The following PHLDB2 variants were observed in gnomAD, a reference collection of about 807,000 sequenced individuals.
The protein encoded by PHLDB2 is pleckstrin homology like domain family B member 2.
Under a neutral mutation model 123.6 loss-of-function variants are expected in PHLDB2, and 71 were observed. The observed-to-expected ratio is 0.57, with a 90% CI of 0.47 to 0.70. The LOEUF (loss-of-function observed/expected upper bound fraction) is 0.70, where lower values mean the gene tolerates loss of function less well. PHLDB2 is among the 30% of genes least tolerant of loss of function. The pLI is 0.00. For missense variants in PHLDB2, 1,446 were observed against 1,519.5 expected, an observed-to-expected ratio of 0.95 and a Z score of 0.80; for synonymous variants, 547 against 541.6, an observed-to-expected ratio of 1.01 and a Z score of -0.14.
rs138409992 is a variant in PHLDB2 at position 111,951,784 on chromosome 3, G to C, written c.2632-788G>C. Among the ~76,000 whole-genome samples, 742 of 151,740 alleles carry C rather than the reference G, an allele frequency of 4.9e-3. 37 individuals are homozygous for C. Among genetic ancestry groups the C allele is most frequent in the Admixed American group, 0.044 (670 of 15,212 alleles). ...TTCTTTTTTTATTTTCATAGTTTTG[G>C]GGGGAACAGGTAGGGTTTGGTTACG... On this transcript the variant is annotated intron_variant, in intron 10 of 17. Coordinates refer to ENST00000431670, the MANE Select transcript of PHLDB2 (RefSeq NM_001134438.2).
intron 1 of PHLDB2, among the ~76,000 whole-genome samples, chr3:111,867,068 G>C (rs961046158): frequency 6.6e-6 from 1 of 151,700 alleles, no homozygotes; most frequent in Non-Finnish European, 1.5e-5. Context: ...GTGACACTTA[G>C]CTACCCCACA....
At chr3:111,899,893 A>G (rs1201703628) in intron 2 of PHLDB2, among the ~76,000 whole-genome samples, 1 of 152,242 alleles carries the variant, frequency 6.6e-6, no homozygotes, top group Non-Finnish European at 1.5e-5. Flanking sequence ...GGAGTGAGCC[A>G]CTGGCCCAGC....
intron 1 of PHLDB2, among the ~76,000 whole-genome samples, chr3:111,795,941 G>T (rs2061139160): frequency 6.6e-6 from 1 of 152,168 alleles, no homozygotes; most frequent in Non-Finnish European, 1.5e-5. Flanking sequence ...CTGTTGCCCA[G>T]GCTGGAGTGC....
At position 111,884,508 on chromosome 3, in the gene PHLDB2, A is replaced by T. The variant is rs143220265; in HGVS notation, c.431A>T (p.Glu144Val). ...AGTGAAAGGGCCTTGAGGCTCTCAGAGAAGCCTCCCTATTCCAAATATAGC... is the reference window on the plus strand; with the variant it reads ...AGTGAAAGGGCCTTGAGGCTCTCAGTGAAGCCTCCCTATTCCAAATATAGC... The part of the protein sequence containing the change: ...RDSERALRLS[E>V]KPPYSKYSSR... The change falls in exon 2 of 18, where the codon GAG becomes GTG. Residue 144 changes from glutamate to valine, a missense_variant. Around this residue, in one of 3 missense-constraint regions of PHLDB2, gnomAD observed 832 missense variants for 831.9 expected, o/e 1.00. Coordinates refer to ENST00000431670, the MANE Select transcript of PHLDB2 (RefSeq NM_001134438.2). The T allele has an allele frequency of 1.3e-4, 212 of 1,614,030 alleles. 1 individual carries two copies. The highest frequency in any genetic ancestry group is 1.7e-4 in the Non-Finnish European group (198 of 1,179,982).
At chr3:111,873,436 T>C (rs78902278) in intron 1 of PHLDB2, among the ~76,000 whole-genome samples, 2,879 of 152,308 alleles carry the variant, frequency 0.019, 110 homozygotes, top group African/African-American at 0.066. Flanking sequence ...CATTTCCAAC[T>C]ACAAACAGGT....
intron 1 of PHLDB2, among the ~76,000 whole-genome samples, chr3:111,774,087 T>A (rs2108058772): frequency 6.6e-6 from 1 of 152,304 alleles, no homozygotes; most frequent in East Asian, 1.9e-4. Context: ...GATACAGCCT[T>A]TAGAATATTG....
chr3:111,889,631 G>A (rs1276762251), intron 2 of PHLDB2, among the ~76,000 whole-genome samples: 1 of 152,184 alleles, frequency 6.6e-6, no homozygotes, highest in Non-Finnish European at 1.5e-5. Flanking sequence ...GAGCTCAGGA[G>A]ATTGAGGCTG....
chr3:111,890,111 C>T (rs139432875), intron 2 of PHLDB2, among the ~76,000 whole-genome samples: 1 of 152,292 alleles, frequency 6.6e-6, no homozygotes, highest in East Asian at 1.9e-4. Context: ...CAAACAAATA[C>T]TCTGTCACCT....
chr3:111,841,698 C>T (rs916674169), intron 1 of PHLDB2, among the ~76,000 whole-genome samples: 2 of 152,148 alleles, frequency 1.3e-5, no homozygotes, highest in Non-Finnish European at 2.9e-5. Context: ...AAGACTCCTG[C>T]GTGTGGAGGA....
At chr3:111,849,884 C>T (rs1406277221) in intron 2 of PHLDB2, among the ~76,000 whole-genome samples, 4 of 148,602 alleles carry the variant, frequency 2.7e-5, no homozygotes, top group South Asian at 2.1e-4. Flanking sequence ...TTTTTTGGGA[C>T]GGAGTCTCGC....
chr3:111,815,593 G>A (rs2062039417), intron 1 of PHLDB2, among the ~76,000 whole-genome samples: 1 of 152,092 alleles, frequency 6.6e-6, no homozygotes, highest in Admixed American at 6.6e-5. Flanking sequence ...GATTATTTAG[G>A]GTATCTGGCC....
At chr3:111,944,688 T>TTGTTTTTTCTCA (rs2070172994) in intron 8 of PHLDB2, among the ~76,000 whole-genome samples, 1 of 152,130 alleles carries the variant, frequency 6.6e-6, no homozygotes, top group African/African-American at 2.4e-5. Context: ...TTTGTTTGTT[T>TTGTTTTTTCTCA]TGTTTTTTCT....
chr3:111,833,692 T>C (rs375202620), intron 1 of PHLDB2, among the ~76,000 whole-genome samples: 1 of 1,018 alleles, frequency 9.8e-4, no homozygotes, highest in Non-Finnish European at 1.3e-3. Context: ...AATAGAATTA[T>C]ATATATAATA....
At chr3:111,913,877 T>C (rs917990436) in intron 3 of PHLDB2, 175 bp downstream of exon 3, 1 of 824,386 alleles carries the variant, frequency 1.2e-6, no homozygotes, top group African/African-American at 1.7e-5. Context: ...TACTGTAAAG[T>C]AACAAATTTG....
chr3:111,954,182 A>G (rs1440355437), intron 12 of PHLDB2, among the ~76,000 whole-genome samples, 153 bp downstream of exon 12: 2 of 152,228 alleles, frequency 1.3e-5, no homozygotes, highest in African/African-American at 2.4e-5. Flanking sequence ...GGAGGGATAT[A>G]TAACTTTTCC....
intron 1 of PHLDB2, among the ~76,000 whole-genome samples, chr3:111,841,459 G>A (rs114118584): frequency 0.02 from 3,043 of 152,252 alleles, 78 homozygotes; most frequent in Admixed American, 0.068. Context: ...AAGGTGGAAG[G>A]TTGCATCAAG....
intron 1 of PHLDB2, among the ~76,000 whole-genome samples, chr3:111,871,685 T>C (rs1291512053): frequency 6.6e-6 from 1 of 152,142 alleles, no homozygotes; most frequent in Non-Finnish European, 1.5e-5. Flanking sequence ...AAAAAACCTT[T>C]GTTTCTTCGG....
In PHLDB2 at chr3:111,962,104, T is replaced by A. The variant is rs752328213; in HGVS notation, c.2873-4T>A. 1 of 1,575,950 alleles carries A rather than the reference T, an allele frequency of 6.3e-7. No homozygotes were observed. The highest frequency in any genetic ancestry group is 1.4e-5 in the African/African-American group (1 of 72,030). On this transcript the variant is annotated splice_region_variant and splice_polypyrimidine_tract_variant and intron_variant, in intron 12 of 17. Transcript: ENST00000431670. The stretch of plus-strand genomic sequence containing the variant: ...AACTAACATATTTATGGCTCCTTCC[T>A]TAGGTTATAATCACCAACAGATGAG...
At chr3:111,935,290 G>A (rs774666473) in intron 6 of PHLDB2, among the ~76,000 whole-genome samples, 7 of 151,308 alleles carry the variant, frequency 4.6e-5, no homozygotes, top group Non-Finnish European at 1.0e-4. Flanking sequence ...TAGTAGAGTC[G>A]GGGAGTATCT....
Sources: allele counts gnomAD v4.1 joint callset (sites outside exome capture counted in the v4.1 genomes callset), GRCh38; gene constraint gnomAD v4.1.1; regional missense constraint gnomAD v4.1.1; transcripts MANE v1.5; gene names NCBI Gene and HGNC (gene_info 2026-07-23, HGNC 2026-07-21).